STXBP5: variants seen among roughly 807,000 people sequenced by gnomAD.
The protein encoded by STXBP5 is syntaxin-binding protein 5.
In STXBP5, 50 loss-of-function variants were observed where a neutral mutation model predicts 152.4. The observed-to-expected ratio is 0.33, with a 90% CI of 0.26 to 0.42. The LOEUF is 0.42. STXBP5 is among the 10% of genes least tolerant of loss of function. The pLI, the probability that STXBP5 is intolerant of heterozygous loss-of-function variation, is 1.00. For synonymous variants in STXBP5, 492 were observed against 494.7 expected, an observed-to-expected ratio of 0.99 and a Z score of 0.07; for missense variants, 1,167 against 1,388.6, an observed-to-expected ratio of 0.84 and a Z score of 2.54.
intron 18 of STXBP5, among the ~76,000 whole-genome samples, chr6:147,327,483 C>T (rs1319987846): frequency 6.6e-6 from 1 of 152,168 alleles, no homozygotes; most frequent in Non-Finnish European, 1.5e-5. Context: ...GGGTCTCACT[C>T]TGTCACCCAG....
intron 2 of STXBP5, among the ~76,000 whole-genome samples, chr6:147,213,475 T>TGCGC (rs1361174338): frequency 2.3e-5 from 3 of 132,176 alleles, no homozygotes; most frequent in African/African-American, 9.5e-5. Context: ...TGTGTGTGTG[T>TGCGC]GTGCGCGCGC....
chr6:147,242,901 G>A (rs146914604), intron 4 of STXBP5, among the ~76,000 whole-genome samples: 145 of 152,202 alleles, frequency 9.5e-4, no homozygotes, highest in Middle Eastern at 3.4e-3. Context: ...TGAGCAATAT[G>A]CATTTAATGT....
At chr6:147,251,418 A>G (rs915382710) in intron 4 of STXBP5, among the ~76,000 whole-genome samples, 3 of 152,002 alleles carry the variant, frequency 2.0e-5, no homozygotes, top group Admixed American at 6.6e-5. Context: ...TCGCAGTGGC[A>G]CCTGGAATGC....
chr6:147,367,704 A>C (rs533285287), intron 25 of STXBP5, among the ~76,000 whole-genome samples: 16 of 152,208 alleles, frequency 1.1e-4, no homozygotes, highest in African/African-American at 3.9e-4. Flanking sequence ...AAAAAAAATA[A>C]TAAACATCCA....
At chr6:147,239,096 T>G (rs1368211873) in intron 3 of STXBP5, 74 bp from the exon 4 acceptor site, 3 of 1,317,224 alleles carry the variant, frequency 2.3e-6, no homozygotes, top group Non-Finnish European at 3.1e-6. Context: ...AGGAGATATT[T>G]CTGGCAGCTA....
chr6:147,311,409 C>A (rs777401809), intron 10 of STXBP5, 46 bp from the exon 11 acceptor site: 11 of 1,481,834 alleles, frequency 7.4e-6, no homozygotes, highest in Non-Finnish European at 1.0e-5. Flanking sequence ...AATTTGCTGT[C>A]CACTTGCATT....
intron 21 of STXBP5, among the ~76,000 whole-genome samples, chr6:147,350,705 T>C (rs982754975): frequency 2.0e-5 from 3 of 152,176 alleles, no homozygotes; most frequent in Non-Finnish European, 4.4e-5. Context: ...TTCGCAAGTA[T>C]AGTAGTAGCT....
chr6:147,233,291 G>A (rs1367816839), intron 2 of STXBP5, among the ~76,000 whole-genome samples: 2 of 151,578 alleles, frequency 1.3e-5, no homozygotes, highest in Non-Finnish European at 3.0e-5. Context: ...CACTCGTATT[G>A]GTTGACATTA....
intron 9 of STXBP5, among the ~76,000 whole-genome samples, chr6:147,298,086 T>C (rs188238195): frequency 5.4e-4 from 82 of 152,182 alleles, no homozygotes; most frequent in Non-Finnish European, 7.4e-5. Flanking sequence ...AGAAAAACTT[T>C]ATGCTACCTA....
chr6:147,206,727 G>A (rs1020993936), intron 2 of STXBP5, among the ~76,000 whole-genome samples: 33 of 152,046 alleles, frequency 2.2e-4, no homozygotes, highest in Admixed American at 4.6e-4. Context: ...TAAACTAGTA[G>A]TATAGAATTA....
intron 7 of STXBP5, among the ~76,000 whole-genome samples, chr6:147,272,900 T>A (rs1219028113): frequency 1.3e-5 from 2 of 152,162 alleles, no homozygotes; most frequent in Admixed American, 1.3e-4. Flanking sequence ...TGACAAACTC[T>A]ACTCTACTCT....
At chr6:147,270,828 C>CAAT (rs1780129374) in intron 7 of STXBP5, among the ~76,000 whole-genome samples, 1 of 151,986 alleles carries the variant, frequency 6.6e-6, no homozygotes, top group Non-Finnish European at 1.5e-5. Flanking sequence ...AAACAGACAA[C>CAAT]AATAGCACAA....
At chr6:147,356,029 A>G (rs1463146765) in intron 22 of STXBP5, among the ~76,000 whole-genome samples, 1 of 152,092 alleles carries the variant, frequency 6.6e-6, no homozygotes, top group South Asian at 2.1e-4. Flanking sequence ...TTCAAACTTG[A>G]CTGTTATTCA....
intron 19 of STXBP5, 129 bp downstream of exon 19, chr6:147,334,351 C>A: frequency 1.4e-6 from 1 of 694,112 alleles, no homozygotes; most frequent in East Asian, 2.9e-5. Flanking sequence ...CGTATTTAGT[C>A]TTAAAATCTT....
At chr6:147,281,973 AGTT>A (rs1269893520) in intron 8 of STXBP5, among the ~76,000 whole-genome samples, 26 of 152,308 alleles carry the variant, frequency 1.7e-4, no homozygotes, top group Admixed American at 7.2e-4. Context: ...AGTCTCATAC[AGTT>A]GTTGTGAGGA....
chr6:147,275,597 G>C (rs1248062082), intron 7 of STXBP5, among the ~76,000 whole-genome samples: 1 of 107,560 alleles, frequency 9.3e-6, no homozygotes, highest in Non-Finnish European at 1.7e-5. Flanking sequence ...TCGCTCTGTT[G>C]CCCAGGCTGG....
At position 147,382,864 on chromosome 6, in the gene STXBP5, G is replaced by T; in HGVS notation, c.3280G>T (p.Ala1094Ser). The T allele has an allele frequency of 6.2e-7, 1 of 1,613,552 alleles. No homozygotes were observed. Among genetic ancestry groups the T allele is most frequent in the Non-Finnish European group, 8.5e-7 (1 of 1,179,686 alleles). The change falls in exon 27 of 28, where the codon GCA (alanine) becomes TCA (serine). Residue 1094 changes from alanine to serine, a missense_variant. This residue lies in a region of STXBP5 where 833 missense variants were observed against 986.3 expected (regional missense o/e 0.84). Transcript: ENST00000321680. ...PGGIEGVKGA[A>S]SGVVGELARA... The stretch of plus-strand genomic sequence containing the variant: ...TGGCATTGAAGGCGTAAAAGGGGCA[G>T]CATCTGGAGTTGTTGGTGAATTAGC...
chr6:147,359,521 A>G (rs1407987787), intron 23 of STXBP5, among the ~76,000 whole-genome samples, 198 bp downstream of exon 23: 1 of 151,980 alleles, frequency 6.6e-6, no homozygotes, highest in African/African-American at 2.4e-5. Flanking sequence ...CAGGTTAGTT[A>G]CATATGTATA....
intron 2 of STXBP5, among the ~76,000 whole-genome samples, chr6:147,228,492 T>G (rs1777842317): frequency 6.6e-6 from 1 of 152,120 alleles, no homozygotes; most frequent in Non-Finnish European, 1.5e-5. Flanking sequence ...TATCATTCTG[T>G]GTACTTCCAT....
Sources: allele counts gnomAD v4.1 joint callset (sites outside exome capture counted in the v4.1 genomes callset), GRCh38; gene constraint gnomAD v4.1.1; regional missense constraint gnomAD v4.1.1; transcripts MANE v1.5; gene names NCBI Gene and HGNC (gene_info 2026-07-23, HGNC 2026-07-21).